Variants in RORA observed in about 807,000 individuals in gnomAD.
The protein encoded by RORA is nuclear receptor ROR-alpha.
In RORA, 7 loss-of-function variants were observed where a neutral mutation model predicts 69.5. The observed-to-expected ratio is 0.10, with a 90% CI of 0.06 to 0.19. RORA has a LOEUF of 0.19. Among genes scored for constraint, RORA ranks in the 10% least tolerant of loss-of-function variants. The pLI, the probability that RORA is intolerant of heterozygous loss-of-function variation, is 1.00. For missense variants in RORA, 457 were observed against 663.0 expected (o/e 0.69, Z 3.41); for synonymous variants, 261 against 240.8 (o/e 1.08, Z -0.78).
intron 2 of RORA, among the ~76,000 whole-genome samples, chr15:60,645,230 G>A (rs1484402365): frequency 6.6e-6 from 1 of 151,874 alleles, no homozygotes; most frequent in East Asian, 1.9e-4. Context: ...TGAGGGAGGG[G>A]GAAGGAGAGA....
chr15:61,077,270 G>A (rs2078465943), intron 1 of RORA, among the ~76,000 whole-genome samples: 1 of 152,204 alleles, frequency 6.6e-6, no homozygotes, highest in East Asian at 1.9e-4. Context: ...TAAGGAGAGA[G>A]AACAAACAAA....
At chr15:60,543,397 AG>A (rs1418109466) in intron 2 of RORA, among the ~76,000 whole-genome samples, 2 of 152,096 alleles carry the variant, frequency 1.3e-5, no homozygotes, top group Non-Finnish European at 2.9e-5. Flanking sequence ...TCATTATTAC[AG>A]GGTACACAAG....
At chr15:61,186,634 CT>C (rs1447862471) in intron 1 of RORA, among the ~76,000 whole-genome samples, 3 of 86,752 alleles carry the variant, frequency 3.5e-5, no homozygotes, top group Admixed American at 3.4e-4. Flanking sequence ...ATGTGAGACC[CT>C]GACTCAAAAA....
At chr15:60,780,946 A>G (rs981051610) in intron 1 of RORA, among the ~76,000 whole-genome samples, 2 of 152,200 alleles carry the variant, frequency 1.3e-5, no homozygotes, top group African/African-American at 2.4e-5. Context: ...TTTTTGTTCC[A>G]TATCTCATTT....
At chr15:60,736,149 T>C (rs1018698218) in intron 1 of RORA, among the ~76,000 whole-genome samples, 4 of 152,336 alleles carry the variant, frequency 2.6e-5, no homozygotes, top group Admixed American at 2.6e-4. Context: ...GTCAGTTCAC[T>C]GCTGGCTAAG....
chr15:60,528,688 T>A (rs1195934613), intron 3 of RORA: 1 of 151,940 alleles, frequency 6.6e-6, no homozygotes, highest in African/African-American at 2.4e-5. Flanking sequence ...CACCAAGAAG[T>A]CTGCCTAGTA....
intron 1 of RORA, among the ~76,000 whole-genome samples, chr15:61,151,624 C>G (rs1258967015): frequency 1.3e-5 from 2 of 152,190 alleles, no homozygotes; most frequent in African/African-American, 4.8e-5. Flanking sequence ...AAGAACTGCA[C>G]ACCTCTGATT....
rs192283133 is a variant in RORA at position 60,565,319 on chromosome 15, C to T, written c.197-33468G>A. On this transcript the variant is annotated intron_variant, in intron 2 of 10. Transcript: ENST00000335670. The stretch of plus-strand genomic sequence containing the variant: ...TACCATTGCTATTCAGTGTTGGTTT[C>T]AGATAGTGCTAGAGGTGGCAAAAAT... 6.4e-4 allele frequency among the ~76,000 whole-genome samples: 97 copies of T among 152,276 alleles called. No homozygotes were observed. The Middle Eastern group carries it at 0.01, about 16-fold the overall frequency.
intron 1 of RORA, chr15:61,193,910 T>G (rs2079823487): frequency 6.6e-6 from 1 of 152,154 alleles, no homozygotes; most frequent in South Asian, 2.1e-4. Context: ...GGGTTGTTGC[T>G]CTTAACGCGG....
chr15:61,054,373 C>A (rs2078060764), intron 1 of RORA, among the ~76,000 whole-genome samples: 1 of 151,544 alleles, frequency 6.6e-6, no homozygotes, highest in Admixed American at 6.6e-5. Flanking sequence ...CATTAGTTAG[C>A]ACAGCTATAC....
intron 1 of RORA, among the ~76,000 whole-genome samples, chr15:60,937,286 A>G (rs955160935): frequency 1.3e-5 from 2 of 152,186 alleles, no homozygotes; most frequent in Non-Finnish European, 2.9e-5. Context: ...TCTTCTAGAT[A>G]GCACTGAGCT....
Position 61,167,482 on chromosome 15 carries a change from ATTTTTTTTTTTTTTTT to A in RORA, c.166+61555_166+61570del, listed in dbSNP as rs199752865. ...AAAGGATGCAAATAATTTGACCAGGATTTTTTTTTTTTTTTTTTTTTTTTTTTTTTTTTTTTTTTTA... is the reference window on the plus strand; with the variant it reads ...AAAGGATGCAAATAATTTGACCAGGATTTTTTTTTTTTTTTTTTTTTTTTA... On this transcript the variant is annotated intron_variant, in intron 1 of 10. Coordinates refer to ENST00000335670, the MANE Select transcript of RORA (RefSeq NM_134261.3). Among the ~76,000 whole-genome samples, 157 of 133,682 alleles carry A rather than the reference ATTTTTTTTTTTTTTTT, an allele frequency of 1.2e-3. 1 individual carries two copies. The South Asian group carries it at 0.035, about 30-fold the overall frequency. 87.7% of individuals were successfully genotyped at this position (133,682 alleles called of 152,430 possible).
At chr15:61,175,564 C>A (rs909190878) in intron 1 of RORA, among the ~76,000 whole-genome samples, 4 of 91,766 alleles carry the variant, frequency 4.4e-5, no homozygotes, top group Non-Finnish European at 1.1e-4. Flanking sequence ...AAAAAACTTG[C>A]CAAGCATGGT....
intron 1 of RORA, among the ~76,000 whole-genome samples, chr15:60,969,858 C>G (rs1479612967): frequency 6.6e-6 from 1 of 152,216 alleles, no homozygotes; most frequent in African/African-American, 2.4e-5. Context: ...TATTTGGAAG[C>G]CCCATTGTGG....
At chr15:60,675,268 G>C (rs2070536234) in intron 2 of RORA, among the ~76,000 whole-genome samples, 1 of 152,164 alleles carries the variant, frequency 6.6e-6, no homozygotes. Context: ...ATTTCAGCAG[G>C]AAAGAGACCA....
chr15:60,513,672 G>C (rs1371909201), intron 4 of RORA, among the ~76,000 whole-genome samples: 7 of 151,870 alleles, frequency 4.6e-5, no homozygotes, highest in Non-Finnish European at 8.8e-5. Context: ...AATGTCAAAA[G>C]CTTCACTTTT....
intron 3 of RORA, among the ~76,000 whole-genome samples, chr15:60,518,089 C>A (rs1294717900): frequency 6.6e-6 from 1 of 152,194 alleles, no homozygotes; most frequent in African/African-American, 2.4e-5. Context: ...GTCTCGAACT[C>A]CTGGGCTCAA....
At chr15:61,153,450 C>CAG (rs1596031030) in intron 1 of RORA, among the ~76,000 whole-genome samples, 2 of 152,130 alleles carry the variant, frequency 1.3e-5, no homozygotes, top group South Asian at 4.1e-4. Context: ...CCAACACATT[C>CAG]AGAGAGAGAG....
intron 5 of RORA, 56 bp from the exon 6 acceptor site, chr15:60,505,685 G>T (rs2065477823): frequency 6.3e-7 from 1 of 1,589,778 alleles, no homozygotes; most frequent in African/African-American, 1.3e-5. Context: ...TGAATAATTG[G>T]TGATTTAATA....
Sources: gnomAD v4.1 joint callset for allele counts (sites outside exome capture counted in the v4.1 genomes callset) on GRCh38, gnomAD v4.1.1 for gene constraint, MANE v1.5 for transcripts, NCBI Gene and HGNC (gene_info 2026-07-23, HGNC 2026-07-21) for gene names.